Variants in SMOC1 observed in about 807,000 individuals in gnomAD.
SMOC1 encodes SPARC-related modular calcium-binding protein 1.
In SMOC1, 22 loss-of-function variants were observed where a neutral mutation model predicts 56.3. The observed-to-expected ratio is 0.39, with a 90% CI of 0.28 to 0.56. The LOEUF (loss-of-function observed/expected upper bound fraction) is 0.56. Among genes scored for constraint, SMOC1 ranks in the 20% least tolerant of loss-of-function variants. The pLI is 0.61. For missense variants in SMOC1, 509 were observed against 565.4 expected, an observed-to-expected ratio of 0.90 and a Z score of 1.01; for synonymous variants, 193 against 215.0, an observed-to-expected ratio of 0.90 and a Z score of 0.89.
chr14:69,901,999 G>A (rs1414473705), intron 1 of SMOC1, among the ~76,000 whole-genome samples: 2 of 152,184 alleles, frequency 1.3e-5, no homozygotes, highest in East Asian at 3.8e-4. Flanking sequence ...TAACTTGAGT[G>A]GACTGATCCC....
At chr14:69,881,945 A>G (rs1883652509) in intron 1 of SMOC1, among the ~76,000 whole-genome samples, 1 of 152,192 alleles carries the variant, frequency 6.6e-6, no homozygotes. Context: ...TGGATTGAAA[A>G]GTTGTGTGCT....
At chr14:69,957,441 A>G (rs903328706) in intron 3 of SMOC1, among the ~76,000 whole-genome samples, 3 of 152,180 alleles carry the variant, frequency 2.0e-5, no homozygotes, top group African/African-American at 7.2e-5. Flanking sequence ...GACAATTTGT[A>G]CTCAAGCCTG....
chr14:69,978,702 G>C (rs1023365102), intron 5 of SMOC1, among the ~76,000 whole-genome samples: 4 of 152,138 alleles, frequency 2.6e-5, no homozygotes, highest in Non-Finnish European at 5.9e-5. Flanking sequence ...AAGAGAGAGA[G>C]ACTATGGAAT....
At chr14:69,980,759 C>T (rs1030066939) in intron 5 of SMOC1, among the ~76,000 whole-genome samples, 2 of 152,174 alleles carry the variant, frequency 1.3e-5, no homozygotes, top group Non-Finnish European at 2.9e-5. Context: ...GCATCTATTA[C>T]CCTGAGGCCT....
chr14:69,955,165 C>G (rs968452218), intron 3 of SMOC1, among the ~76,000 whole-genome samples: 1 of 152,118 alleles, frequency 6.6e-6, no homozygotes, highest in African/African-American at 2.4e-5. Context: ...AGTGGCAGAG[C>G]TGGGGTTCAG....
At chr14:69,938,744 G>A (rs1017460109) in intron 1 of SMOC1, among the ~76,000 whole-genome samples, 1 of 152,294 alleles carries the variant, frequency 6.6e-6, no homozygotes, top group Non-Finnish European at 1.5e-5. Context: ...CCTCCTTTGG[G>A]GAACATACTG....
chr14:69,919,376 G>C (rs1215020094), intron 1 of SMOC1, among the ~76,000 whole-genome samples: 1 of 152,170 alleles, frequency 6.6e-6, no homozygotes, highest in African/African-American at 2.4e-5. Flanking sequence ...CTGTGTTGCA[G>C]CCAAGGGGGA....
At chr14:69,965,102 G>C (rs1013372683) in intron 3 of SMOC1, among the ~76,000 whole-genome samples, 8 of 152,180 alleles carry the variant, frequency 5.3e-5, no homozygotes, top group African/African-American at 9.7e-5. Flanking sequence ...ACTAGGCCGG[G>C]TGCAGTAGCG....
chr14:69,985,050 A>G (rs1367976856), intron 5 of SMOC1, among the ~76,000 whole-genome samples: 1 of 152,060 alleles, frequency 6.6e-6, no homozygotes, highest in Non-Finnish European at 1.5e-5. Flanking sequence ...AGAAAAAAAA[A>G]AAAGAAAAGA....
chr14:69,926,364 G>C (rs1276831925), intron 1 of SMOC1, among the ~76,000 whole-genome samples: 1 of 152,244 alleles, frequency 6.6e-6, no homozygotes, highest in East Asian at 1.9e-4. Context: ...CAAGGGACCA[G>C]GGAGGAGTAA....
intron 1 of SMOC1, among the ~76,000 whole-genome samples, chr14:69,936,588 G>A (rs1885301051): frequency 1.3e-5 from 2 of 152,230 alleles, no homozygotes; most frequent in Admixed American, 6.5e-5. Context: ...CTCAGTCCCT[G>A]GCCTTGTGTG....
chr14:69,965,944 G>A (rs1008925043), intron 3 of SMOC1, among the ~76,000 whole-genome samples: 1 of 152,168 alleles, frequency 6.6e-6, no homozygotes, highest in Non-Finnish European at 1.5e-5. Context: ...CAAAATTGAA[G>A]GGATCAGAAT....
intron 1 of SMOC1, among the ~76,000 whole-genome samples, chr14:69,904,064 G>T (rs973122152): frequency 2.0e-5 from 3 of 152,152 alleles, no homozygotes; most frequent in Admixed American, 1.3e-4. Flanking sequence ...GGGGGCCCAG[G>T]TGAAACCAGC....
intron 5 of SMOC1, among the ~76,000 whole-genome samples, chr14:69,990,014 C>A (rs1395393929): frequency 6.6e-6 from 1 of 152,202 alleles, no homozygotes; most frequent in Non-Finnish European, 1.5e-5. Context: ...CCATTTAGGA[C>A]CTCCCCGTGG....
intron 1 of SMOC1, among the ~76,000 whole-genome samples, chr14:69,882,602 G>A (rs1316594355): frequency 1.3e-5 from 2 of 152,194 alleles, no homozygotes; most frequent in Non-Finnish European, 2.9e-5. Context: ...TCACTGAGGA[G>A]GCAGCCGTTT....
At chr14:69,918,417 A>G (rs934069889) in intron 1 of SMOC1, among the ~76,000 whole-genome samples, 1 of 152,060 alleles carries the variant, frequency 6.6e-6, no homozygotes, top group Non-Finnish European at 1.5e-5. Flanking sequence ...TTGTAGAGAC[A>G]GGGTTTCACC....
At chr14:69,886,533 G>T (rs1378198532) in intron 1 of SMOC1, among the ~76,000 whole-genome samples, 1 of 152,156 alleles carries the variant, frequency 6.6e-6, no homozygotes, top group Non-Finnish European at 1.5e-5. Context: ...AAGTGTGTTT[G>T]GTAGTTACAG....
intron 1 of SMOC1, among the ~76,000 whole-genome samples, chr14:69,910,417 G>A (rs1566669945): frequency 6.6e-6 from 1 of 152,182 alleles, no homozygotes; most frequent in Non-Finnish European, 1.5e-5. Flanking sequence ...AAACGGTTGG[G>A]AAGAAACCTT....
At chr14:69,908,180 C>T (rs1884460948) in intron 1 of SMOC1, among the ~76,000 whole-genome samples, 1 of 152,042 alleles carries the variant, frequency 6.6e-6, no homozygotes, top group South Asian at 2.1e-4. Flanking sequence ...TTGTAGAGAC[C>T]CATTTTGTAA....
Sources: gnomAD v4.1 joint callset for allele counts (sites outside exome capture counted in the v4.1 genomes callset) on GRCh38, gnomAD v4.1.1 for gene constraint, MANE v1.5 for transcripts, NCBI Gene and HGNC (gene_info 2026-07-23, HGNC 2026-07-21) for gene names.